Variants in UMODL1 observed in about 807,000 individuals in gnomAD.
The protein encoded by UMODL1 is uromodulin like 1, also known as uromodulin-like 1.
In UMODL1, 128 loss-of-function variants were observed where a neutral mutation model predicts 136.3. The ratio of observed to expected loss-of-function variants is 0.94; its 90% CI spans 0.81 to 1.09. The LOEUF (loss-of-function observed/expected upper bound fraction) is 1.09, where lower values mean the gene tolerates loss of function less well. UMODL1 is among the 50% of genes least tolerant of loss of function. The pLI is 0.00. For missense variants in UMODL1, 1,766 were observed against 1,725.6 expected, an observed-to-expected ratio of 1.02 and a Z score of -0.41; for synonymous variants, 721 against 720.0, an observed-to-expected ratio of 1.00 and a Z score of -0.02.
intron 21 of UMODL1, among the ~76,000 whole-genome samples, chr21:42,130,689 G>A (rs190195303): frequency 2.6e-5 from 4 of 152,282 alleles, no homozygotes; most frequent in South Asian, 2.1e-4. Context: ...CTTAAAAGAC[G>A]TCTGTGCCTA....
rs181291302 is a variant in UMODL1, at chr21:42,137,436, G to A, written c.3776-3G>A. ...TCTCACCTGTGCCTGTCTCCTCCCC[G>A]AGGTGAGCCTCCTCATGCAGAAGCA... On this transcript the variant is annotated splice_polypyrimidine_tract_variant and splice_region_variant and intron_variant, in intron 21 of 22. Transcript: ENST00000408910. 183 of 1,613,906 alleles carry A rather than the reference G, an allele frequency of 1.1e-4. 3 individuals carry two copies. The East Asian group carries it at 3.7e-3, about 33-fold the overall frequency.
intron 1 of UMODL1, among the ~76,000 whole-genome samples, chr21:42,064,646 T>C (rs1300869784): frequency 6.7e-6 from 1 of 149,902 alleles, no homozygotes; most frequent in African/African-American, 2.5e-5. Flanking sequence ...AACCTCTGCC[T>C]CCAGGTTCAA....
At chr21:42,083,218 C>T (rs2066383543) in intron 2 of UMODL1, among the ~76,000 whole-genome samples, 1 of 152,206 alleles carries the variant, frequency 6.6e-6, no homozygotes, top group Non-Finnish European at 1.5e-5. Context: ...ACATGTCCGA[C>T]TTCACATTTG....
intron 9 of UMODL1, among the ~76,000 whole-genome samples, chr21:42,106,120 G>A (rs2066713043): frequency 6.6e-6 from 1 of 152,200 alleles, no homozygotes; most frequent in African/African-American, 2.4e-5. Context: ...TGCATGGCCG[G>A]GGAGGCGGCC....
intron 1 of UMODL1, among the ~76,000 whole-genome samples, chr21:42,075,444 C>T (rs2066279739): frequency 6.6e-6 from 1 of 152,228 alleles, no homozygotes; most frequent in African/African-American, 2.4e-5. Context: ...TACCTGCTTA[C>T]TTATCTTCCA....
intron 22 of UMODL1, among the ~76,000 whole-genome samples, 170 bp downstream of exon 22, chr21:42,137,811 T>G (rs2067228822): frequency 1.3e-5 from 2 of 149,186 alleles, no homozygotes; most frequent in Admixed American, 6.7e-5. Context: ...AGAAGGTGGG[T>G]GCGGAGTGGG....
intron 2 of UMODL1, among the ~76,000 whole-genome samples, chr21:42,080,425 G>A (rs956190914): frequency 3.9e-5 from 6 of 152,036 alleles, no homozygotes; most frequent in African/African-American, 9.7e-5. Context: ...TCTGCGCCTC[G>A]GAGTCCTATC....
At chr21:42,112,500 G>T (rs182915131) in intron 12 of UMODL1, among the ~76,000 whole-genome samples, 4 of 151,086 alleles carry the variant, frequency 2.6e-5, no homozygotes, top group African/African-American at 9.7e-5. Context: ...CTGTCCAGCT[G>T]TTCTATATGC....
chr21:42,135,681 G>A (rs1450272320), intron 21 of UMODL1, among the ~76,000 whole-genome samples: 1 of 152,242 alleles, frequency 6.6e-6, no homozygotes, highest in Non-Finnish European at 1.5e-5. Flanking sequence ...AGTTGTCTGG[G>A]GAAGTGGCCG....
rs775020183 is a variant in UMODL1, at chr21:42,109,556, T to C, written c.1520-6T>C. On this transcript the variant is annotated splice_region_variant and splice_polypyrimidine_tract_variant and intron_variant, in intron 9 of 22. Coordinates refer to ENST00000408910, the MANE Select transcript of UMODL1 (RefSeq NM_001004416.3). ...CATGGGTTTTGATTGTGTCTCCCCC[T>C]GGCAGACTGGGACGAGTGTGTGGAC... 2 of 1,610,532 alleles carry C rather than the reference T, an allele frequency of 1.2e-6. No homozygotes were observed. Among genetic ancestry groups the C allele is most frequent in the Non-Finnish European group, 1.7e-6 (2 of 1,179,966 alleles).
intron 21 of UMODL1, among the ~76,000 whole-genome samples, chr21:42,133,725 C>T (rs2067163130): frequency 6.6e-6 from 1 of 152,184 alleles, no homozygotes; most frequent in African/African-American, 2.4e-5. Flanking sequence ...TGCCTCCCTC[C>T]AGTCTCTGCC....
At chr21:42,116,986 G>A (rs923061052) in intron 14 of UMODL1, among the ~76,000 whole-genome samples, 3 of 152,100 alleles carry the variant, frequency 2.0e-5, no homozygotes, top group African/African-American at 7.2e-5. Context: ...TGAGGCAGGA[G>A]AATCGCTTGA....
rs763291166 is a variant in UMODL1, at chr21:42,099,037, G to A, written c.1043G>A (p.Arg348Gln). Residue 348 changes from arginine to glutamine, a missense_variant, in exon 7 of 23, where the codon CGG becomes CAG. Transcript: ENST00000408910. The surrounding 1 kb of genome is among the most constrained non-coding windows in gnomAD (Gnocchi z 4.1). ...QNHTFHVRVY[R>Q]GMELLRSART... is the part of the protein sequence containing the mutation. ...CACACTTTCCATGTCCGGGTTTACC[G>A]GGGTATGGAGTTGCTCAGGAGCGCC... The A allele has an allele frequency of 2.5e-5, 40 of 1,614,048 alleles. No homozygotes were observed. Among genetic ancestry groups the A allele is most frequent in the South Asian group, 1.3e-4 (12 of 91,094 alleles).
intron 1 of UMODL1, among the ~76,000 whole-genome samples, chr21:42,074,676 C>G (rs894373572): frequency 6.6e-6 from 1 of 152,178 alleles, no homozygotes; most frequent in East Asian, 1.9e-4. Context: ...TGTCCTGCAG[C>G]GGGGGTGACT....
In UMODL1 at chr21:42,090,469, G is replaced by T. The variant is rs201001236; in HGVS notation, c.931+31G>T. 96 of 1,611,056 alleles carry T rather than the reference G, an allele frequency of 6.0e-5. 1 individual carries two copies. Among genetic ancestry groups the T allele is most frequent in the Middle Eastern group, 3.7e-4 (2 of 5,362 alleles). Reference sequence around the variant, plus strand: ...GGCTAGGCTCTCTCAGATGGCATGGGAATGGCTTAATTCCTGTTTGCCCCG... The same window carrying T: ...GGCTAGGCTCTCTCAGATGGCATGGTAATGGCTTAATTCCTGTTTGCCCCG... On this transcript the variant is annotated intron_variant, in intron 6 of 22. Coordinates refer to ENST00000408910, the MANE Select transcript of UMODL1 (RefSeq NM_001004416.3).
chr21:42,134,271 A>G (rs2067173636), intron 21 of UMODL1, among the ~76,000 whole-genome samples: 1 of 152,242 alleles, frequency 6.6e-6, no homozygotes, highest in Non-Finnish European at 1.5e-5. Flanking sequence ...GAAAGAATCC[A>G]TTCGGGCATC....
chr21:42,123,063 C>A lies in UMODL1; in HGVS notation c.3060C>A (p.Ser1020Arg). ...TCCCCGAGTCCTCGTTGTACCTCAGCCACCCCTCCTGCAACGTGAGCCACA... is the reference window on the plus strand; with the variant it reads ...TCCCCGAGTCCTCGTTGTACCTCAGACACCCCTCCTGCAACGTGAGCCACA... ...ESIPESSLYL[S>R]HPSCNVSHSN... Residue 1020 changes from serine (S) to arginine (R), a missense_variant, in exon 17 of 23, where the codon AGC (serine) becomes AGA (arginine). Coordinates refer to ENST00000408910, the MANE Select transcript of UMODL1 (RefSeq NM_001004416.3). This position sits in a 1 kb window ranked among gnomAD's most constrained non-coding sequence, Gnocchi z 4.4. The A allele has an allele frequency of 6.2e-7, 1 of 1,614,160 alleles. No individual in the cohort carries two copies. Among genetic ancestry groups the A allele is most frequent in the South Asian group, 1.1e-5 (1 of 91,082 alleles).
rs1601278511 is a variant in UMODL1, at chr21:42,130,337, C to G, written c.3775+540C>G. On this transcript the variant is annotated intron_variant, in intron 21 of 22. Coordinates refer to ENST00000408910, the MANE Select transcript of UMODL1 (RefSeq NM_001004416.3). ...TCTGTTCCCCCTCAGTTTAAAACTT[C>G]CATTAGCCAATTACATTGCATGTAT... Among the ~76,000 whole-genome samples the G allele has an allele frequency of 1.3e-5, 2 of 152,118 alleles. 1 individual carries two copies. Among genetic ancestry groups the G allele is most frequent in the East Asian group, 3.8e-4 (2 of 5,198 alleles).
In UMODL1 at chr21:42,085,517, G is replaced by T. The variant is rs762141847; in HGVS notation, c.603+105G>T. On this transcript the variant is annotated intron_variant, in intron 4 of 22. Coordinates refer to ENST00000408910, the MANE Select transcript of UMODL1 (RefSeq NM_001004416.3). The surrounding 1 kb of genome is among the most constrained non-coding windows in gnomAD (Gnocchi z 4.5). ...GGACCTGGGGGTTGGGGAGGGTGAT[G>T]TTCCCCAAATGGCCCCAAATGACTG... 2.6e-6 allele frequency: 4 copies of T among 1,552,812 alleles called. No individual in the cohort carries two copies. The highest frequency in any genetic ancestry group is 2.6e-6 in the Non-Finnish European group (3 of 1,141,846).
Sources: gnomAD v4.1 joint callset for allele counts (sites outside exome capture counted in the v4.1 genomes callset) on GRCh38, gnomAD v4.1.1 for gene constraint, Gnocchi (gnomAD v3.1) non-coding constraint, MANE v1.5 for transcripts, NCBI Gene and HGNC (gene_info 2026-07-23, HGNC 2026-07-21) for gene names.